OSBPL2: variants seen among roughly 807,000 people sequenced by gnomAD.
OSBPL2 encodes the protein oxysterol-binding protein-related protein 2.
Under a neutral mutation model 58.4 loss-of-function variants are expected in OSBPL2, and 18 were observed. The ratio of observed to expected loss-of-function variants is 0.31; its 90% CI spans 0.21 to 0.46. The LOEUF (loss-of-function observed/expected upper bound fraction) is 0.46. Among genes scored for constraint, OSBPL2 ranks in the 20% least tolerant of loss-of-function variants. OSBPL2 has a pLI of 1.00. For synonymous variants in OSBPL2, 221 were observed against 234.1 expected, an observed-to-expected ratio of 0.94 and a Z score of 0.51; for missense variants, 461 against 616.5, an observed-to-expected ratio of 0.75 and a Z score of 2.67.
At chr20:62,291,286 C>G in intron 12 of OSBPL2, 1 of 287,726 alleles carries the variant, frequency 3.5e-6, no homozygotes, top group Non-Finnish European at 6.8e-6. Context: ...TGGCAGTTAC[C>G]CGGGAAGGTC....
At chr20:62,263,781 C>A in intron 4 of OSBPL2, 90 bp downstream of exon 4, 1 of 1,200,222 alleles carries the variant, frequency 8.3e-7, no homozygotes, top group Non-Finnish European at 1.2e-6. Flanking sequence ...AAAATGCGCT[C>A]TTGGCCGGGC....
At chr20:62,242,247 A>G (rs1388396573) in intron 1 of OSBPL2, 1 of 152,232 alleles carries the variant, frequency 6.6e-6, no homozygotes, top group African/African-American at 2.4e-5. Context: ...GCTCTTGATA[A>G]TAAAAGCATC....
intron 9 of OSBPL2, among the ~76,000 whole-genome samples, chr20:62,282,453 C>G (rs191847998): frequency 1.3e-5 from 2 of 152,062 alleles, no homozygotes; most frequent in Non-Finnish European, 2.9e-5. Context: ...TTGTTTTTTT[C>G]GTAAGGAATT....
At chr20:62,293,139 G>T (rs910321093) in intron 13 of OSBPL2, among the ~76,000 whole-genome samples, 1 of 151,834 alleles carries the variant, frequency 6.6e-6, no homozygotes, top group Non-Finnish European at 1.5e-5. Flanking sequence ...CTGGAATTAC[G>T]GGCGTGAGCC....
At position 62,288,820 on chromosome 20, in the gene OSBPL2, G is replaced by A. The variant is rs1158065966; in HGVS notation, c.1126-387G>A. Among the ~76,000 whole-genome samples, 1 of 152,116 alleles carries A rather than the reference G, an allele frequency of 6.6e-6. No individual in the cohort carries two copies. Among genetic ancestry groups the A allele is most frequent in the Non-Finnish European group, 1.5e-5 (1 of 68,020 alleles). On this transcript the variant is annotated intron_variant, in intron 11 of 13. Transcript: ENST00000313733. This position sits in a 1 kb window ranked among gnomAD's most constrained non-coding sequence, Gnocchi z 4.8. ...TGGCAGGTGAAGGGGTAAAGAGGAG[G>A]AACCTGTGGGCAGGTGTGGCTGAGG...
At position 62,269,351 on chromosome 20, in the gene OSBPL2, G is replaced by A. The variant is rs1055174958; in HGVS notation, c.259-2774G>A. ...GCAAAGAGCCCTGCATGTGTGTTTG[G>A]CCGAGGCTCTGTGGGATAGGTTCCT... On this transcript the variant is annotated intron_variant, in intron 4 of 13. Transcript: ENST00000313733. The surrounding 1 kb of genome is among the most constrained non-coding windows in gnomAD (Gnocchi z 4.2). Among the ~76,000 whole-genome samples, 1 of 152,210 alleles carries A rather than the reference G, an allele frequency of 6.6e-6. No individual in the cohort carries two copies. Among genetic ancestry groups the A allele is most frequent in the Non-Finnish European group, 1.5e-5 (1 of 68,040 alleles).
At chr20:62,261,982 C>G (rs1487039670) in intron 3 of OSBPL2, among the ~76,000 whole-genome samples, 5 of 152,100 alleles carry the variant, frequency 3.3e-5, no homozygotes, top group Non-Finnish European at 7.3e-5. Context: ...TAGTCTTGAC[C>G]TCCTCAAGTG....
At position 62,288,424 on chromosome 20, in the gene OSBPL2, G is replaced by GGGAGGCTGTGGGTACAGAGGCC. The variant is rs1983272093; in HGVS notation, c.1126-776_1126-775insGTGGGTACAGAGGCCGGAGGCT. Among the ~76,000 whole-genome samples the GGGAGGCTGTGGGTACAGAGGCC allele has an allele frequency of 6.7e-6, 1 of 149,062 alleles. No individual in the cohort carries two copies. Among genetic ancestry groups the GGGAGGCTGTGGGTACAGAGGCC allele is most frequent in the African/African-American group, 2.5e-5 (1 of 39,760 alleles). On this transcript the variant is annotated intron_variant, in intron 11 of 13. Coordinates refer to ENST00000313733, the MANE Select transcript of OSBPL2 (RefSeq NM_144498.4). The surrounding 1 kb of genome is among the most constrained non-coding windows in gnomAD (Gnocchi z 4.8). ...CTGGGAGGCTGTGGGTGCAGAGGCT[G>GGGAGGCTGTGGGTACAGAGGCC]GGAGGCTATGGGTGCAGAGGCTGGG...
At chr20:62,292,622 G>A (rs1373748058) in intron 13 of OSBPL2, among the ~76,000 whole-genome samples, 2 of 152,216 alleles carry the variant, frequency 1.3e-5, no homozygotes, top group African/African-American at 2.4e-5. Context: ...GTATTTATAA[G>A]TAAAATGTTT....
At chr20:62,252,000 G>A (rs1476618642) in intron 1 of OSBPL2, among the ~76,000 whole-genome samples, 1 of 143,178 alleles carries the variant, frequency 7.0e-6, no homozygotes, top group Non-Finnish European at 1.5e-5. Context: ...TTCCACTTCA[G>A]CCTCCTGTGT....
At chr20:62,245,368 C>A (rs1485331084) in intron 1 of OSBPL2, among the ~76,000 whole-genome samples, 2 of 152,214 alleles carry the variant, frequency 1.3e-5, no homozygotes, top group Non-Finnish European at 2.9e-5. Flanking sequence ...GCTGGGATGA[C>A]AGGCGTGAGC....
intron 13 of OSBPL2, among the ~76,000 whole-genome samples, chr20:62,292,882 A>ATTTTTTT (rs35975453): frequency 2.8e-5 from 4 of 140,994 alleles, no homozygotes; most frequent in Non-Finnish European, 6.1e-5. Flanking sequence ...ACCTTTCCTC[A>ATTTTTTT]TTTTTTTTTT....
chr20:62,281,296 C>T, intron 8 of OSBPL2, 131 bp downstream of exon 8: 1 of 649,032 alleles, frequency 1.5e-6, no homozygotes, highest in Non-Finnish European at 2.8e-6. Context: ...TCCCCGCCAG[C>T]CCAGGCATAG....
At chr20:62,274,911 CT>C (rs1568843722) in intron 6 of OSBPL2, among the ~76,000 whole-genome samples, 1 of 152,184 alleles carries the variant, frequency 6.6e-6, no homozygotes, top group Non-Finnish European at 1.5e-5. Flanking sequence ...CAATTAGCCT[CT>C]TATTTGGATT....
chr20:62,255,660 C>T (rs931196775), intron 1 of OSBPL2, among the ~76,000 whole-genome samples: 7 of 152,116 alleles, frequency 4.6e-5, no homozygotes, highest in South Asian at 2.1e-4. Flanking sequence ...TGCGCCACCA[C>T]GCCTGTATAA....
rs116610717 is a variant in OSBPL2 at position 62,286,934 on chromosome 20, G to T, written c.1125+223G>T. Among the ~76,000 whole-genome samples, 1,621 of 152,348 alleles carry T rather than the reference G, an allele frequency of 0.011. 38 individuals carry two copies. Among genetic ancestry groups the T allele is most frequent in the African/African-American group, 0.037 (1,553 of 41,586 alleles). ...TGTCTGCCTTGGGGCCTGCTGTTGG[G>T]GCTGGGCACCGCTGCTCCATAGGAC... On this transcript the variant is annotated intron_variant, in intron 11 of 13. Transcript: ENST00000313733.
intron 1 of OSBPL2, among the ~76,000 whole-genome samples, chr20:62,240,019 A>C (rs1268725674): frequency 6.6e-6 from 1 of 151,890 alleles, no homozygotes; most frequent in Non-Finnish European, 1.5e-5. Flanking sequence ...CGCCCGCCTA[A>C]TTTTTTTATT....
Position 62,286,550 on chromosome 20 carries a change from C to T in OSBPL2, c.997-33C>T, listed in dbSNP as rs535217428. On this transcript the variant is annotated intron_variant, in intron 10 of 13. Transcript: ENST00000313733. ...CTCCTGGCCAAGAGCGGCCTGGCCC[C>T]GGGCAGCCACACAGCAGGGTTCTGT... 4.1e-4 allele frequency: 660 copies of T among 1,590,428 alleles called. 9 individuals carry two copies. The South Asian group carries it at 6.7e-3, about 16-fold the overall frequency.
At chr20:62,286,521 T>C in intron 10 of OSBPL2, 62 bp from the exon 11 acceptor site, 5 of 1,562,462 alleles carry the variant, frequency 3.2e-6, no homozygotes, top group Non-Finnish European at 4.4e-6. Flanking sequence ...TGAGAATAGC[T>C]GTCCTCCTGG....
Sources: allele counts gnomAD v4.1 joint callset (sites outside exome capture counted in the v4.1 genomes callset), GRCh38; gene constraint gnomAD v4.1.1; non-coding constraint Gnocchi (gnomAD v3.1); transcripts MANE v1.5; gene names NCBI Gene and HGNC (gene_info 2026-07-23, HGNC 2026-07-21).